The following HEMGN variants were observed in gnomAD, a reference collection of about 807,000 sequenced individuals.
HEMGN encodes the protein erythroid differentiation-associated gene protein.
Under a neutral mutation model 45.7 loss-of-function variants are expected in HEMGN, and 32 were observed. The observed-to-expected ratio is 0.70, with a 90% CI of 0.53 to 0.94. The LOEUF (loss-of-function observed/expected upper bound fraction) is 0.94, where lower values mean the gene tolerates loss of function less well. Among genes scored for constraint, HEMGN ranks in the 40% least tolerant of loss-of-function variants. The pLI, the probability that HEMGN is intolerant of heterozygous loss-of-function variation, is 0.00. For missense variants in HEMGN, 530 were observed against 564.2 expected (o/e 0.94, Z 0.61); for synonymous variants, 183 against 178.6 (o/e 1.02, Z -0.20).
At chr9:97,932,861 A>G (rs564059471) in intron 2 of HEMGN, among the ~76,000 whole-genome samples, 1 of 151,900 alleles carries the variant, frequency 6.6e-6, no homozygotes, top group African/African-American at 2.4e-5. Flanking sequence ...CAGCATTTTG[A>G]ACTATTACTA....
chr9:97,931,765 G>A (rs960336226), intron 2 of HEMGN, among the ~76,000 whole-genome samples: 1 of 152,146 alleles, frequency 6.6e-6, no homozygotes, highest in African/African-American at 2.4e-5. Context: ...AGTTGCTACA[G>A]TATATATCAA....
rs748142802 is a variant in HEMGN, at chr9:97,936,200, A to G, written c.144T>C (p.His48=). Residue 48 remains histidine, a synonymous_variant, in exon 2 of 4, where the codon CAT becomes CAC. Coordinates refer to ENST00000616898, the MANE Select transcript of HEMGN (RefSeq NM_197978.3). ...ELLRKRKAEV[H]EKETSQWLFG... ...ATAGCCATTGTGATGTTTCCTTTTC[A>G]TGCACTTCAGCTTTTCTTTTTCTAA... The G allele has an allele frequency of 6.2e-7, 1 of 1,612,844 alleles. No individual in the cohort carries two copies. The highest frequency in any genetic ancestry group is 1.1e-5 in the South Asian group (1 of 91,056).
At chr9:97,937,432 G>T (rs997477937) in intron 1 of HEMGN, among the ~76,000 whole-genome samples, 1 of 151,878 alleles carries the variant, frequency 6.6e-6, no homozygotes, top group Non-Finnish European at 1.5e-5. Flanking sequence ...TCACATTATA[G>T]TTGTTGCAGA....
In HEMGN at chr9:97,927,151, C is replaced by G; in HGVS notation, c.*233G>C. 6.3e-6 allele frequency: 2 copies of G among 319,916 alleles called. No individual in the cohort carries two copies. Among genetic ancestry groups the G allele is most frequent in the Non-Finnish European group, 1.1e-5 (2 of 180,460 alleles). The allele number at this position is 319,916 out of a possible 1,614,324, so 19.8% of individuals were successfully genotyped here. On this transcript the variant is annotated 3_prime_UTR_variant, in exon 4 of 4. Transcript: ENST00000616898. ...TGTCTGTTCCCACCACTATCCTCTC[C>G]CCGACCTATACATACATACACACAC... is the stretch of plus-strand genomic sequence containing the variant.
intron 1 of HEMGN, among the ~76,000 whole-genome samples, chr9:97,943,866 GTTC>G (rs948044984): frequency 5.3e-5 from 8 of 151,996 alleles, no homozygotes; most frequent in African/African-American, 1.7e-4. Context: ...TCCATTCTCA[GTTC>G]TTCTTTTTTG....
At chr9:97,942,840 A>C (rs1827171702), upstream of HEMGN, among the ~76,000 whole-genome samples, 1 of 152,224 alleles carries the variant, frequency 6.6e-6, no homozygotes, top group Admixed American at 6.5e-5. Context: ...AGTCAAAAAC[A>C]AGACGGGGTA....
chr9:97,934,028 A>G (rs967901692), intron 2 of HEMGN, among the ~76,000 whole-genome samples: 1 of 152,228 alleles, frequency 6.6e-6, no homozygotes, highest in Non-Finnish European at 1.5e-5. Flanking sequence ...TTAAATGAAC[A>G]GACATACAAA....
intron 1 of HEMGN, among the ~76,000 whole-genome samples, chr9:97,937,366 C>G (rs1264319011): frequency 1.3e-5 from 2 of 152,004 alleles, no homozygotes; most frequent in Non-Finnish European, 2.9e-5. Flanking sequence ...TCCTGATGCT[C>G]TCCCTCCCCC....
intron 1 of HEMGN, among the ~76,000 whole-genome samples, chr9:97,943,230 A>T (rs1005680939): frequency 6.6e-6 from 1 of 152,236 alleles, no homozygotes; most frequent in African/African-American, 2.4e-5. Context: ...GTGATATTAG[A>T]GTGTTCTAAT....
rs114634799 is a variant in HEMGN, at chr9:97,931,427, A to G, written c.174-206T>C. On this transcript the variant is annotated intron_variant, in intron 2 of 3. Coordinates refer to ENST00000616898, the MANE Select transcript of HEMGN (RefSeq NM_197978.3). ...TTCTTAGGAGAGGGAATGTTTCTCCAGGACTTCGTGGCATTGATACCATGC... is the reference window on the plus strand; with the variant it reads ...TTCTTAGGAGAGGGAATGTTTCTCCGGGACTTCGTGGCATTGATACCATGC... 5.2e-3 allele frequency among the ~76,000 whole-genome samples: 790 copies of G among 152,326 alleles called. 8 individuals are homozygous for G. Among genetic ancestry groups the G allele is most frequent in the African/African-American group, 0.018 (752 of 41,568 alleles).
chr9:97,927,573 C>A lies in HEMGN; in HGVS notation c.1361-95G>T, dbSNP rs1826852061. The A allele has an allele frequency of 9.3e-6, 7 of 749,472 alleles. No homozygotes were observed. The South Asian group carries it at 1.1e-4, about 12-fold the overall frequency. 46.4% of individuals were successfully genotyped at this position (749,472 alleles called of 1,614,324 possible). On this transcript the variant is annotated intron_variant, in intron 3 of 3. Transcript: ENST00000616898. The stretch of plus-strand genomic sequence containing the variant: ...GGAAGAAAAACTGCTTTACAACATA[C>A]ACAACAACAAACCGTAGATGGGGTA...
chr9:97,933,978 A>G (rs1013962371), intron 2 of HEMGN, among the ~76,000 whole-genome samples: 4 of 152,220 alleles, frequency 2.6e-5, no homozygotes, highest in African/African-American at 9.6e-5. Flanking sequence ...CTCATCAAGC[A>G]GATTTAAGGA....
chr9:97,941,956 C>T (rs76995732), upstream of HEMGN, among the ~76,000 whole-genome samples: 8,614 of 152,226 alleles, frequency 0.057, 355 homozygotes, highest in Middle Eastern at 0.1. Flanking sequence ...GGTGAAGTAA[C>T]TTGGCCAAGG....
chr9:97,944,397 C>T (rs1342441482), intron 1 of HEMGN, among the ~76,000 whole-genome samples: 4 of 152,214 alleles, frequency 2.6e-5, no homozygotes, highest in Non-Finnish European at 4.4e-5. Context: ...TCACATTCAG[C>T]TAGATACAGT....
At position 97,930,341 on chromosome 9, in the gene HEMGN, A is replaced by G. The variant is rs773628693; in HGVS notation, c.1054T>C (p.Tyr352His). Reference sequence around the variant, plus strand: ...GTTTCTTGGTTTATTTCAATTGAATAGTCTTCAGAATGAGGTGTTTCTTGG... The same window carrying G: ...GTTTCTTGGTTTATTTCAATTGAATGGTCTTCAGAATGAGGTGTTTCTTGG... ...TIQETPHSEDYSIEINQETPG... is the reference protein window; with the variant it reads ...TIQETPHSEDHSIEINQETPG... Residue 352 changes from tyrosine (Y) to histidine (H), a missense_variant, in exon 3 of 4, where the codon TAT becomes CAT. Coordinates refer to ENST00000616898, the MANE Select transcript of HEMGN (RefSeq NM_197978.3). 8 of 1,613,594 alleles carry G rather than the reference A, an allele frequency of 5.0e-6. No homozygotes were observed. The highest frequency in any genetic ancestry group is 6.8e-6 in the Non-Finnish European group (8 of 1,179,914).
chr9:97,935,343 C>T (rs1827039709), intron 2 of HEMGN, among the ~76,000 whole-genome samples: 1 of 152,126 alleles, frequency 6.6e-6, no homozygotes, highest in Non-Finnish European at 1.5e-5. Context: ...TGCCTGTCTT[C>T]CCCCAACCCC....
intron 2 of HEMGN, among the ~76,000 whole-genome samples, chr9:97,933,619 G>A (rs55737216): frequency 0.32 from 48,170 of 151,968 alleles, 8,179 homozygotes; most frequent in Non-Finnish European, 0.37. Flanking sequence ...CAATCTATTC[G>A]TTTATAATGA....
chr9:97,936,126 C>T (rs1025886460), intron 2 of HEMGN, 45 bp downstream of exon 2: 23 of 1,250,172 alleles, frequency 1.8e-5, no homozygotes, highest in Non-Finnish European at 2.5e-5. Flanking sequence ...GCATAACATC[C>T]TCAATAAATA....
At chr9:97,931,500 G>T (rs147080035) in intron 2 of HEMGN, among the ~76,000 whole-genome samples, 1 of 152,172 alleles carries the variant, frequency 6.6e-6, no homozygotes, top group Non-Finnish European at 1.5e-5. Flanking sequence ...GTATGCGTGC[G>T]TGCGTGTGTT....
Sources: gnomAD v4.1 joint callset for allele counts (sites outside exome capture counted in the v4.1 genomes callset) on GRCh38, gnomAD v4.1.1 for gene constraint, MANE v1.5 for transcripts, NCBI Gene and HGNC (gene_info 2026-07-23, HGNC 2026-07-21) for gene names.